The following N4BP2L2 variants were observed in gnomAD, a reference collection of about 807,000 sequenced individuals.
N4BP2L2 encodes NEDD4-binding protein 2-like 2.
Under a neutral mutation model 56.2 loss-of-function variants are expected in N4BP2L2, and 50 were observed. The ratio of observed to expected loss-of-function variants is 0.89; its 90% CI spans 0.71 to 1.13. The LOEUF (loss-of-function observed/expected upper bound fraction) is 1.13, where lower values mean the gene tolerates loss of function less well. Among genes scored for constraint, N4BP2L2 ranks in the 50% most tolerant of loss-of-function variants. The pLI is 0.00. For synonymous variants in N4BP2L2, 203 were observed against 223.6 expected (o/e 0.91, Z 0.82); for missense variants, 689 against 693.8 (o/e 0.99, Z 0.08).
intron 1 of N4BP2L2, among the ~76,000 whole-genome samples, chr13:32,538,356 C>T (rs1378512521): frequency 6.6e-6 from 1 of 152,000 alleles, no homozygotes; most frequent in Non-Finnish European, 1.5e-5. Context: ...GTTAATAAAC[C>T]GCGTGATCTA....
At chr13:32,538,482 GGAGGTCTCT>G (rs767318711) in intron 1 of N4BP2L2, 127 bp downstream of exon 1, 68 of 395,756 alleles carry the variant, frequency 1.7e-4, no homozygotes, top group Non-Finnish European at 7.9e-5. Context: ...CAGGAATTCT[GGAGGTCTCT>G]GAGGCGCAAA....
chr13:32,530,812 A>G (rs1438481685), intron 2 of N4BP2L2, among the ~76,000 whole-genome samples: 1 of 151,440 alleles, frequency 6.6e-6, no homozygotes, highest in Non-Finnish European at 1.5e-5. Context: ...CTTATCCTGC[A>G]GTATGCTTGG....
At chr13:32,433,931 C>CAAAAAAAAAAAAAAAAAAAAA (rs60540916) in intron 9 of N4BP2L2, among the ~76,000 whole-genome samples, 2 of 86,126 alleles carry the variant, frequency 2.3e-5, no homozygotes, top group African/African-American at 4.7e-5. Context: ...GACCGTGTCT[C>CAAAAAAAAAAAAAAAAAAAAA]AAAAAAAAAA....
In N4BP2L2 at chr13:32,450,469, C is replaced by A. The variant is rs112490742; in HGVS notation, c.366-6343G>T. On this transcript the variant is annotated intron_variant, in intron 6 of 9. Coordinates refer to the N4BP2L2 transcript ENST00000357505. ...CCTCCCAAGTAGCTGGGACTACAGGCGCCTGCAACCATGCCCGGTTAATTT... is the reference window on the plus strand; with the variant it reads ...CCTCCCAAGTAGCTGGGACTACAGGAGCCTGCAACCATGCCCGGTTAATTT... Among the ~76,000 whole-genome samples, 401 of 151,342 alleles carry A rather than the reference C, an allele frequency of 2.6e-3. 1 individual carries two copies. The highest frequency in any genetic ancestry group is 8.8e-3 in the African/African-American group (363 of 41,236).
intron 6 of N4BP2L2, among the ~76,000 whole-genome samples, chr13:32,452,304 G>A (rs997442641): frequency 5.7e-4 from 86 of 152,000 alleles, no homozygotes; most frequent in Non-Finnish European, 1.1e-3. Flanking sequence ...CAGGTGATCC[G>A]CCTGCCTCGG....
intron 6 of N4BP2L2, among the ~76,000 whole-genome samples, chr13:32,444,936 G>A (rs912450428): frequency 2.7e-4 from 41 of 152,118 alleles, no homozygotes; most frequent in African/African-American, 9.9e-4. Context: ...TAAAACATTA[G>A]TAAGTATTTG....
intron 6 of N4BP2L2, among the ~76,000 whole-genome samples, chr13:32,498,152 T>A (rs983569224): frequency 1.3e-5 from 2 of 152,102 alleles, no homozygotes; most frequent in African/African-American, 4.8e-5. Context: ...ACTTGGCTAA[T>A]TTTTATATTT....
At chr13:32,529,770 G>A (rs1274666992) in intron 2 of N4BP2L2, among the ~76,000 whole-genome samples, 1 of 150,576 alleles carries the variant, frequency 6.6e-6, no homozygotes, top group East Asian at 1.9e-4. Context: ...CTATTGCCCA[G>A]GCTGGAGTGC....
At chr13:32,513,405 C>T (rs1484389078) in exon 6 of N4BP2L2, 1 of 152,138 alleles carries the variant, frequency 6.6e-6, no homozygotes, top group Non-Finnish European at 1.5e-5. Flanking sequence ...CTACTTCTTA[C>T]CAGCCTAAGG....
chr13:32,507,880 T>C (rs957534836), downstream of N4BP2L2: 2 of 152,126 alleles, frequency 1.3e-5, no homozygotes, highest in African/African-American at 4.8e-5. Context: ...GTGGGGAGAC[T>C]ACTATGTCCA....
chr13:32,477,329 T>A (rs2139058791), intron 6 of N4BP2L2: 2 of 195,678 alleles, frequency 1.0e-5, no homozygotes, highest in East Asian at 2.6e-4. Flanking sequence ...AAGTACAGCA[T>A]GTGGTCATTT....
Position 32,498,441 on chromosome 13 carries a change from G to C in N4BP2L2, c.365+19416C>G, listed in dbSNP as rs2089259682. Among the ~76,000 whole-genome samples the C allele has an allele frequency of 3.9e-5, 6 of 152,084 alleles. 1 individual carries two copies. The highest frequency in any genetic ancestry group is 2.6e-4 in the Admixed American group (4 of 15,272). On this transcript the variant is annotated intron_variant, in intron 6 of 9. Transcript: ENST00000357505. ...GGCTCACTGCAATCTCCGTGTCCTG[G>C]GTTCAAATGATTCTCGTGCCTCAGC...
At chr13:32,509,038 G>A, downstream of N4BP2L2, 1 of 152,116 alleles carries the variant, frequency 6.6e-6, no homozygotes, top group East Asian at 1.9e-4. Flanking sequence ...GACTACTGGT[G>A]AGGTTAAAAT....
Position 32,438,679 on chromosome 13 carries a change from G to GC in N4BP2L2, c.2162_2163insG (p.Ile721MetfsTer65), listed in dbSNP as rs767344704. 1.2e-6 allele frequency: 2 copies of GC among 1,609,568 alleles called. No individual in the cohort carries two copies. Among genetic ancestry groups the GC allele is most frequent in the Non-Finnish European group, 1.7e-6 (2 of 1,176,346 alleles). ...CCACTGACATCTTCCATTGCAAGTA[G>GC]ATCATCTTTAGTGTCTTCCAGTCAA... On this transcript the variant is annotated frameshift_variant, in exon 8 of 10. Coordinates refer to the N4BP2L2 transcript ENST00000357505. LOFTEE classifies it high-confidence loss of function.
At chr13:32,491,471 A>G (rs1241680272) in intron 6 of N4BP2L2, among the ~76,000 whole-genome samples, 1 of 150,414 alleles carries the variant, frequency 6.6e-6, no homozygotes, top group African/African-American at 2.4e-5. Context: ...ACTCTAGGCT[A>G]CAAAGTAGTT....
At chr13:32,532,178 T>C (rs1013645525) in intron 2 of N4BP2L2, among the ~76,000 whole-genome samples, 3 of 152,230 alleles carry the variant, frequency 2.0e-5, no homozygotes, top group Non-Finnish European at 4.4e-5. Context: ...GATTAAAACA[T>C]GAGTATCTTT....
chr13:32,478,373 C>T, intron 6 of N4BP2L2: 2 of 216,810 alleles, frequency 9.2e-6, no homozygotes, highest in South Asian at 1.5e-4. Context: ...ATCTGTGTGC[C>T]ACACTGTTAT....
chr13:32,533,338 C>G (rs1264669891), intron 2 of N4BP2L2, among the ~76,000 whole-genome samples: 2 of 151,972 alleles, frequency 1.3e-5, no homozygotes, highest in East Asian at 3.9e-4. Context: ...CCTACTGTCT[C>G]TCTCTCTCAG....
chr13:32,537,716 C>G (rs996240964), intron 1 of N4BP2L2, among the ~76,000 whole-genome samples: 1 of 152,150 alleles, frequency 6.6e-6, no homozygotes, highest in African/African-American at 2.4e-5. Flanking sequence ...ATAAAGAAAT[C>G]TGGCAACTCC....
Sources: gnomAD v4.1 joint callset for allele counts (sites outside exome capture counted in the v4.1 genomes callset) on GRCh38, gnomAD v4.1.1 for gene constraint, MANE v1.5 for transcripts, NCBI Gene and HGNC (gene_info 2026-07-23, HGNC 2026-07-21) for gene names.